RAPGEF6: variants seen among roughly 807,000 people sequenced by gnomAD.
The protein encoded by RAPGEF6 is Rap guanine nucleotide exchange factor 6, also known as PDZ domain containing guanine nucleotide exchange factor (GEF) 2.
Under a neutral mutation model 171.4 loss-of-function variants are expected in RAPGEF6, and 56 were observed. That is an observed-to-expected ratio of 0.33 (90% CI 0.26 to 0.41). The LOEUF is 0.41. RAPGEF6 is among the 10% of genes least tolerant of loss of function. The pLI is 1.00. For synonymous variants in RAPGEF6, 692 were observed against 650.1 expected (o/e 1.06, Z -0.98); for missense variants, 1,674 against 1,921.4 (o/e 0.87, Z 2.41).
chr5:131,454,244 T>C (rs1753320208), intron 20 of RAPGEF6, among the ~76,000 whole-genome samples: 1 of 152,160 alleles, frequency 6.6e-6, no homozygotes, highest in Non-Finnish European at 1.5e-5. Flanking sequence ...TTTTGTTAAA[T>C]TACATCAAAA....
At chr5:131,453,008 C>T (rs753879270) in intron 21 of RAPGEF6, 46 bp downstream of exon 21, 16 of 1,549,926 alleles carry the variant, frequency 1.0e-5, no homozygotes, top group South Asian at 5.0e-5. Context: ...ATTATTACAT[C>T]ACCCTTGATA....
chr5:131,520,685 A>G (rs1237432435), intron 7 of RAPGEF6, among the ~76,000 whole-genome samples: 1 of 152,130 alleles, frequency 6.6e-6, no homozygotes, highest in Non-Finnish European at 1.5e-5. Context: ...TGGGCTCCAC[A>G]CCCAGGGAAC....
At chr5:131,606,471 A>C (rs976917422) in intron 1 of RAPGEF6, among the ~76,000 whole-genome samples, 1 of 152,220 alleles carries the variant, frequency 6.6e-6, no homozygotes, top group Non-Finnish European at 1.5e-5. Flanking sequence ...ATCCTTACTA[A>C]AGTAACAGTG....
chr5:131,456,165 A>G (rs975498457), intron 19 of RAPGEF6, among the ~76,000 whole-genome samples, 153 bp from the exon 20 acceptor site: 6 of 152,242 alleles, frequency 3.9e-5, no homozygotes, highest in African/African-American at 1.4e-4. Context: ...TGAGAAAAAA[A>G]TAAATAAGAG....
rs113763648 is a variant in RAPGEF6 at position 131,480,984 on chromosome 5, T to C, written c.1841-1231A>G. The stretch of plus-strand genomic sequence containing the variant: ...TTCGCTCTTGTTGTCCAGGCTGGAG[T>C]GCAATGGCGCAATCTTGGCTCACCA... On this transcript the variant is annotated intron_variant, in intron 15 of 27. Transcript: ENST00000509018. 6.2e-3 allele frequency among the ~76,000 whole-genome samples: 945 copies of C among 151,554 alleles called. 6 individuals carry two copies. The highest frequency in any genetic ancestry group is 0.022 in the African/African-American group (897 of 41,242).
chr5:131,495,425 A>G (rs1463253924), intron 13 of RAPGEF6, 128 bp downstream of exon 13: 9 of 606,666 alleles, frequency 1.5e-5, no homozygotes, highest in Non-Finnish European at 1.7e-5. Flanking sequence ...TCTAGAATAC[A>G]GATTCGGAAG....
chr5:131,602,253 G>A (rs1387354127), intron 3 of RAPGEF6, among the ~76,000 whole-genome samples: 1 of 152,046 alleles, frequency 6.6e-6, no homozygotes, highest in African/African-American at 2.4e-5. Flanking sequence ...AGGTTATATG[G>A]TATAGCCTAT....
At chr5:131,552,997 T>C (rs761419200) in intron 5 of RAPGEF6, among the ~76,000 whole-genome samples, 6 of 151,654 alleles carry the variant, frequency 4.0e-5, no homozygotes, top group Non-Finnish European at 8.8e-5. Flanking sequence ...CAAAAGAAAA[T>C]TTGAAAATGA....
intron 1 of RAPGEF6, 50 bp downstream of exon 1, chr5:131,634,912 G>T: frequency 1.3e-6 from 2 of 1,590,720 alleles, no homozygotes; most frequent in South Asian, 1.1e-5. Context: ...CAGACAGGAG[G>T]ATGCTGTCTA....
intron 6 of RAPGEF6, among the ~76,000 whole-genome samples, chr5:131,528,274 AT>A (rs1326495485): frequency 7.9e-5 from 10 of 126,062 alleles, no homozygotes; most frequent in African/African-American, 3.1e-4. Flanking sequence ...ATATATTTAT[AT>A]TATATATATA....
At chr5:131,614,098 A>G (rs1408446918) in intron 1 of RAPGEF6, among the ~76,000 whole-genome samples, 4 of 152,196 alleles carry the variant, frequency 2.6e-5, no homozygotes, top group Middle Eastern at 3.4e-3. Context: ...CCTGGTCAAC[A>G]TGGTGAAACC....
intron 6 of RAPGEF6, among the ~76,000 whole-genome samples, chr5:131,530,617 A>T (rs1479299847): frequency 1.3e-5 from 2 of 152,220 alleles, no homozygotes; most frequent in African/African-American, 4.8e-5. Context: ...GGGGATGGAG[A>T]CATGTACTCT....
chr5:131,448,240 G>A (rs1375827645), intron 21 of RAPGEF6, among the ~76,000 whole-genome samples: 6 of 152,034 alleles, frequency 3.9e-5, no homozygotes, highest in Non-Finnish European at 7.4e-5. Flanking sequence ...AAAAGAAAAC[G>A]TTTCAGAAGA....
chr5:131,434,311 T>C (rs1010583153), intron 24 of RAPGEF6, among the ~76,000 whole-genome samples: 12 of 152,260 alleles, frequency 7.9e-5, no homozygotes, highest in African/African-American at 2.4e-4. Flanking sequence ...GGCACGATCA[T>C]AGCTCACTGC....
In RAPGEF6 at chr5:131,461,829, C is replaced by T; in HGVS notation, c.2740G>A (p.Val914Ile). Residue 914 changes from valine (V) to isoleucine (I), a missense_variant, in exon 19 of 28, where the codon GTT becomes ATT. This residue lies in a region of RAPGEF6 where 1,116 missense variants were observed against 1,321.5 expected (regional missense o/e 0.84). Transcript: ENST00000509018. ...EDIVNQETFW[V>I]ASEILTEANQ... ...GCTTCAGTTAAAATTTCTGAGGCAACCCAGAATGTCTCTTGGTTTACAATG... is the reference window on the plus strand; with the variant it reads ...GCTTCAGTTAAAATTTCTGAGGCAATCCAGAATGTCTCTTGGTTTACAATG... 1.2e-6 allele frequency: 2 copies of T among 1,613,904 alleles called. No individual in the cohort carries two copies. The highest frequency in any genetic ancestry group is 1.7e-6 in the Non-Finnish European group (2 of 1,179,844).
At chr5:131,437,507 ATCTG>A (rs1400346138) in intron 24 of RAPGEF6, among the ~76,000 whole-genome samples, 1 of 152,240 alleles carries the variant, frequency 6.6e-6, no homozygotes, top group Non-Finnish European at 1.5e-5. Flanking sequence ...CATTTGGACC[ATCTG>A]TCTGACTGGA....
rs1752547944 is a variant in RAPGEF6, at chr5:131,444,162, GC to G, written c.3422-1626del. ...TAGATGTCTAAACTGTCTCAACACA[GC>G]TATAATAGCTATTATGCTTTTATTA... is the stretch of plus-strand genomic sequence containing the variant. On this transcript the variant is annotated intron_variant, in intron 22 of 27. Coordinates refer to ENST00000509018, the MANE Select transcript of RAPGEF6 (RefSeq NM_016340.6). Among the ~76,000 whole-genome samples, 3 of 152,120 alleles carry G rather than the reference GC, an allele frequency of 2.0e-5. No individual in the cohort carries two copies. In the South Asian group the frequency reaches 6.2e-4, roughly 32 times the overall value.
chr5:131,512,087 TG>T (rs1757770664), intron 7 of RAPGEF6, among the ~76,000 whole-genome samples: 2 of 152,088 alleles, frequency 1.3e-5, no homozygotes, highest in South Asian at 4.1e-4. Context: ...AGGAGGACAC[TG>T]AACAAGAGAG....
Position 131,428,938 on chromosome 5 carries a change from G to C in RAPGEF6, c.4744C>G (p.Leu1582Val), listed in dbSNP as rs761703963. The change falls in exon 27 of 28, where the codon CTA (leucine) becomes GTA (valine). Residue 1582 changes from leucine (L) to valine (V), a missense_variant. This residue lies in a region of RAPGEF6 where 552 missense variants were observed against 574.2 expected (regional missense o/e 0.96). Coordinates refer to ENST00000509018, the MANE Select transcript of RAPGEF6 (RefSeq NM_016340.6). ...RHNLQPFHPK[L>V]GDVTDADSEA... ...CTATCTGCATCAGTCACATCTCCTAGTTTAGGATGGAATGGCTGCAAATTA... is the reference window on the plus strand; with the variant it reads ...CTATCTGCATCAGTCACATCTCCTACTTTAGGATGGAATGGCTGCAAATTA... 1.9e-6 allele frequency: 3 copies of C among 1,614,190 alleles called. No homozygotes were observed. Among genetic ancestry groups the C allele is most frequent in the Non-Finnish European group, 2.5e-6 (3 of 1,180,014 alleles).
Sources: gnomAD v4.1 joint callset for allele counts (sites outside exome capture counted in the v4.1 genomes callset) on GRCh38, gnomAD v4.1.1 for gene constraint, gnomAD v4.1.1 regional missense constraint, MANE v1.5 for transcripts, NCBI Gene and HGNC (gene_info 2026-07-23, HGNC 2026-07-21) for gene names.